The following WDPCP variants were observed in gnomAD, a reference collection of about 807,000 sequenced individuals.
The protein encoded by WDPCP is WD repeat containing planar cell polarity effector, also known as WD repeat-containing and planar cell polarity effector protein fritz homolog.
In WDPCP, 71 loss-of-function variants were observed where a neutral mutation model predicts 93.1. The observed-to-expected ratio is 0.76, with a 90% CI of 0.63 to 0.93. The LOEUF (loss-of-function observed/expected upper bound fraction) is 0.93, where lower values mean the gene tolerates loss of function less well. Among genes scored for constraint, WDPCP ranks in the 40% least tolerant of loss-of-function variants. The probability of loss-of-function intolerance (pLI) is 0.00; values close to 1 mark genes in which losing one functional copy is unlikely to be tolerated. For synonymous variants in WDPCP, 315 were observed against 315.0 expected, an observed-to-expected ratio of 1.00 and a Z score of 0.00; for missense variants, 844 against 887.4, an observed-to-expected ratio of 0.95 and a Z score of 0.62.
intron 2 of WDPCP, among the ~76,000 whole-genome samples, chr2:63,766,755 A>C (rs557686677): frequency 6.6e-6 from 1 of 152,252 alleles, no homozygotes; most frequent in African/African-American, 2.4e-5. Context: ...ACAGACATAA[A>C]ATTTACCATC....
intron 12 of WDPCP, among the ~76,000 whole-genome samples, chr2:63,332,381 ACATCCTCC>A (rs1688042113): frequency 6.6e-6 from 1 of 152,102 alleles, no homozygotes; most frequent in Non-Finnish European, 1.5e-5. Context: ...CAGTATATCC[ACATCCTCC>A]CCAGCACTTG....
intron 2 of WDPCP, among the ~76,000 whole-genome samples, chr2:63,791,752 T>C (rs1670549304): frequency 6.6e-6 from 1 of 152,164 alleles, no homozygotes; most frequent in Non-Finnish European, 1.5e-5. Context: ...AGCAAAGATT[T>C]GGAACCTAAC....
In WDPCP at chr2:63,266,419, A is replaced by T. The variant is rs537181579; in HGVS notation, c.1813-7010T>A. ...CATTTATACTAGCACCAAAAAAGAA[A>T]ATACATAGGAGCAAATTTAACCAAA... is the stretch of plus-strand genomic sequence containing the variant. On this transcript the variant is annotated intron_variant, in intron 13 of 17. Transcript: ENST00000272321. Among the ~76,000 whole-genome samples the T allele has an allele frequency of 4.6e-5, 7 of 152,344 alleles. No individual in the cohort carries two copies. The South Asian group carries it at 1.5e-3, about 32-fold the overall frequency.
At chr2:63,275,540 G>A (rs940758457) in intron 13 of WDPCP, among the ~76,000 whole-genome samples, 3 of 152,126 alleles carry the variant, frequency 2.0e-5, no homozygotes, top group Non-Finnish European at 4.4e-5. Flanking sequence ...AATGAACTCA[G>A]TAAAGTTTCA....
chr2:63,284,064 T>C (rs1382449220), intron 13 of WDPCP, among the ~76,000 whole-genome samples: 1 of 152,036 alleles, frequency 6.6e-6, no homozygotes. Flanking sequence ...GGTAAATACA[T>C]GGGTACATAT....
intron 3 of WDPCP, among the ~76,000 whole-genome samples, chr2:63,634,882 G>A (rs563681055): frequency 9.2e-5 from 14 of 152,174 alleles, no homozygotes; most frequent in African/African-American, 3.1e-4. Flanking sequence ...AATAAGATCA[G>A]AGCAGAAATA....
intron 1 of WDPCP, among the ~76,000 whole-genome samples, chr2:63,567,507 CTT>C (rs1472772985): frequency 3.3e-5 from 5 of 152,234 alleles, no homozygotes; most frequent in African/African-American, 1.2e-4. Context: ...TCTAGCTTCT[CTT>C]GAGCCCCCAA....
intron 12 of WDPCP, among the ~76,000 whole-genome samples, chr2:63,377,505 TA>T (rs1287887284): frequency 6.6e-6 from 1 of 151,036 alleles, no homozygotes; most frequent in African/African-American, 2.4e-5. Context: ...ATACACAGTT[TA>T]AAAATAATTT....
At chr2:63,467,920 TC>T (rs1199940056) in intron 6 of WDPCP, among the ~76,000 whole-genome samples, 3 of 152,036 alleles carry the variant, frequency 2.0e-5, no homozygotes, top group African/African-American at 4.8e-5. Context: ...TTAATGTAAA[TC>T]TTTGTGAGTG....
intron 1 of WDPCP, among the ~76,000 whole-genome samples, chr2:63,575,465 A>ACAGTATATACAG (rs751954591): frequency 2.3e-4 from 3 of 13,206 alleles, no homozygotes; most frequent in African/African-American, 5.7e-4. Flanking sequence ...TACAGTATAT[A>ACAGTATATACAG]TGCAGTATAT....
At chr2:63,457,316 G>C (rs1698691903) in intron 6 of WDPCP, among the ~76,000 whole-genome samples, 1 of 151,794 alleles carries the variant, frequency 6.6e-6, no homozygotes, top group East Asian at 1.9e-4. Context: ...TAACAAGACT[G>C]AATCAGTATA....
intron 15 of WDPCP, among the ~76,000 whole-genome samples, chr2:63,173,240 C>G (rs1039739855): frequency 6.6e-6 from 1 of 150,610 alleles, no homozygotes; most frequent in Non-Finnish European, 1.5e-5. Context: ...TGCACTCCAG[C>G]CTGGGCAACT....
Position 63,772,442 on chromosome 2 carries a change from T to A in WDPCP, n.308+41180A>T, listed in dbSNP as rs376765782. Among the ~76,000 whole-genome samples the A allele has an allele frequency of 2.0e-5, 3 of 152,068 alleles. No individual in the cohort carries two copies. The East Asian group carries it at 5.8e-4, about 29-fold the overall frequency. ...ATAAATGTCTAATAGACAACTTGTT[T>A]AATGAGACCACATAACCTGGTACCA... On this transcript the variant is annotated intron_variant and non_coding_transcript_variant, in intron 2 of 4. Transcript: ENST00000467687.
At chr2:63,634,208 T>C (rs1709897919) in intron 3 of WDPCP, among the ~76,000 whole-genome samples, 1 of 152,134 alleles carries the variant, frequency 6.6e-6, no homozygotes, top group Non-Finnish European at 1.5e-5. Context: ...GTGAAGGAAT[T>C]GAAAAAGATA....
At chr2:63,130,191 A>C (rs1574674825) in intron 17 of WDPCP, among the ~76,000 whole-genome samples, 1 of 152,270 alleles carries the variant, frequency 6.6e-6, no homozygotes, top group East Asian at 1.9e-4. Flanking sequence ...AATCGTTGCC[A>C]AATTCAATGC....
chr2:63,166,466 G>T (rs1672988764), intron 15 of WDPCP, among the ~76,000 whole-genome samples: 1 of 152,064 alleles, frequency 6.6e-6, no homozygotes, highest in Admixed American at 6.6e-5. Flanking sequence ...GAGTGCAGGG[G>T]CGCGATCAGC....
chr2:63,797,634 T>C (rs2104023235), intron 2 of WDPCP, among the ~76,000 whole-genome samples: 1 of 151,814 alleles, frequency 6.6e-6, no homozygotes, highest in East Asian at 1.9e-4. Context: ...AGAAAATATA[T>C]ATTCAGAGGA....
chr2:63,663,186 A>G (rs1350244952), intron 2 of WDPCP, among the ~76,000 whole-genome samples: 4 of 152,202 alleles, frequency 2.6e-5, no homozygotes, highest in Non-Finnish European at 5.9e-5. Context: ...ACAGCTAACC[A>G]TTTTAACTAC....
At chr2:63,126,379 T>C (rs574483411) in intron 17 of WDPCP, among the ~76,000 whole-genome samples, 1 of 152,330 alleles carries the variant, frequency 6.6e-6, no homozygotes, top group East Asian at 1.9e-4. Context: ...ATTACCTAAT[T>C]TGACAGATTA....
Sources: gnomAD v4.1 joint callset for allele counts (sites outside exome capture counted in the v4.1 genomes callset) on GRCh38, gnomAD v4.1.1 for gene constraint, MANE v1.5 for transcripts, NCBI Gene and HGNC (gene_info 2026-07-23, HGNC 2026-07-21) for gene names.